CNTN4: variants seen among roughly 807,000 people sequenced by gnomAD.
CNTN4 encodes contactin 4.
In CNTN4, 77 loss-of-function variants were observed where a neutral mutation model predicts 122.5. The observed-to-expected ratio is 0.63, with a 90% CI of 0.52 to 0.76. The LOEUF (loss-of-function observed/expected upper bound fraction) is 0.76, where lower values mean the gene tolerates loss of function less well. Ranked by LOEUF, CNTN4 falls within the 30% of genes least tolerant of loss-of-function variation. The pLI, the probability that CNTN4 is intolerant of heterozygous loss-of-function variation, is 0.00. For synonymous variants in CNTN4, 512 were observed against 447.0 expected (o/e 1.15, Z -1.83); for missense variants, 1,256 against 1,259.1 (o/e 1.00, Z 0.04).
intron 4 of CNTN4, among the ~76,000 whole-genome samples, chr3:2,729,627 T>C (rs1303282687): frequency 4.0e-5 from 6 of 148,352 alleles, no homozygotes; most frequent in African/African-American, 1.5e-4. Flanking sequence ...AACTTTAGAA[T>C]GCATAGGCCA....
At chr3:2,909,815 A>G (rs1319833059) in intron 12 of CNTN4, among the ~76,000 whole-genome samples, 1 of 152,224 alleles carries the variant, frequency 6.6e-6, no homozygotes, top group African/African-American at 2.4e-5. Context: ...TAGTAGCTCT[A>G]GAGTGGGGCC....
chr3:2,224,256 C>T (rs2149506229), intron 2 of CNTN4, among the ~76,000 whole-genome samples: 1 of 152,212 alleles, frequency 6.6e-6, no homozygotes, highest in South Asian at 2.1e-4. Flanking sequence ...GGTGGTGTGT[C>T]CTGAGCCTCA....
At chr3:2,211,372 A>T (rs1280895502) in intron 2 of CNTN4, among the ~76,000 whole-genome samples, 1 of 152,134 alleles carries the variant, frequency 6.6e-6, no homozygotes, top group Non-Finnish European at 1.5e-5. Context: ...ACAGAAATCT[A>T]AACTATATGG....
At chr3:2,456,386 C>T (rs1392906935) in intron 3 of CNTN4, among the ~76,000 whole-genome samples, 1 of 152,070 alleles carries the variant, frequency 6.6e-6, no homozygotes, top group Admixed American at 6.6e-5. Flanking sequence ...TAGAACTAGC[C>T]ATTTTAAAAT....
intron 3 of CNTN4, among the ~76,000 whole-genome samples, chr3:2,498,095 G>GAATTGA (rs2076500757): frequency 6.6e-6 from 1 of 152,022 alleles, no homozygotes; most frequent in Non-Finnish European, 1.5e-5. Context: ...CCAATTCATT[G>GAATTGA]AATATTACTA....
intron 2 of CNTN4, among the ~76,000 whole-genome samples, chr3:2,227,098 T>C (rs2039313184): frequency 6.6e-6 from 1 of 152,186 alleles, no homozygotes; most frequent in Non-Finnish European, 1.5e-5. Context: ...GCGTATTTAT[T>C]TATTTGCAGA....
intron 6 of CNTN4, among the ~76,000 whole-genome samples, chr3:2,787,064 A>C (rs997426241): frequency 6.6e-6 from 1 of 152,298 alleles, no homozygotes; most frequent in South Asian, 2.1e-4. Context: ...TAAGAGGAAT[A>C]ACAAAAACTT....
chr3:2,340,710 T>TATATATATATATATATATATAGAG, intron 3 of CNTN4, among the ~76,000 whole-genome samples: 4 of 18,304 alleles, frequency 2.2e-4, no homozygotes, highest in East Asian at 5.0e-3. Flanking sequence ...TATATATATA[T>TATATATATATATATATATATAGAG]AGAGAGAGAG....
At chr3:2,868,664 A>G (rs2150851775) in intron 8 of CNTN4, among the ~76,000 whole-genome samples, 1 of 152,174 alleles carries the variant, frequency 6.6e-6, no homozygotes, top group East Asian at 1.9e-4. Context: ...CATCCATTTA[A>G]CATACATTTA....
chr3:2,843,195 G>A (rs539963871), intron 7 of CNTN4, among the ~76,000 whole-genome samples: 1 of 152,280 alleles, frequency 6.6e-6, no homozygotes, highest in South Asian at 2.1e-4. Context: ...TCACAGGAAA[G>A]GGCACTTCCA....
intron 2 of CNTN4, among the ~76,000 whole-genome samples, chr3:2,277,287 G>T (rs1231165803): frequency 1.3e-5 from 2 of 151,968 alleles, no homozygotes; most frequent in Non-Finnish European, 2.9e-5. Flanking sequence ...CCTGGAAGAC[G>T]GTCAGCCATA....
chr3:3,049,916 C>T (rs1430205268), intron 23 of CNTN4, among the ~76,000 whole-genome samples: 2 of 152,188 alleles, frequency 1.3e-5, no homozygotes, highest in Non-Finnish European at 2.9e-5. Flanking sequence ...AGATCACTGG[C>T]TTAGTCTATT....
At chr3:2,846,828 C>T (rs2150583904) in intron 7 of CNTN4, among the ~76,000 whole-genome samples, 1 of 152,224 alleles carries the variant, frequency 6.6e-6, no homozygotes, top group Non-Finnish European at 1.5e-5. Context: ...GAAACCCCAT[C>T]TCTACTAAAA....
intron 18 of CNTN4, chr3:3,037,637 A>C: frequency 1.0e-5 from 4 of 394,806 alleles, no homozygotes; most frequent in South Asian, 9.5e-5. Flanking sequence ...GAATTTCAAA[A>C]AAAAATCCCA....
At chr3:2,795,542 A>T (rs1181666324) in intron 6 of CNTN4, among the ~76,000 whole-genome samples, 3 of 136,536 alleles carry the variant, frequency 2.2e-5, no homozygotes, top group Admixed American at 1.5e-4. Flanking sequence ...TTTTTCTGAG[A>T]TGGAGTCTCG....
In CNTN4 at chr3:2,188,024, A is replaced by C. The variant is rs1184146717; in HGVS notation, c.-145+87385A>C. Among the ~76,000 whole-genome samples, 7 of 152,070 alleles carry C rather than the reference A, an allele frequency of 4.6e-5. No homozygotes were observed. In the South Asian group the frequency reaches 6.2e-4, roughly 13 times the overall value. On this transcript the variant is annotated intron_variant, in intron 2 of 24. Coordinates refer to ENST00000418658, the MANE Select transcript of CNTN4 (RefSeq NM_175607.3). Reference sequence around the variant, plus strand: ...CAAGAATGAAAAGGGAGAAAAAAAAAGTGGGTTTGCTATACTTGTCAAGTG... The same window carrying C: ...CAAGAATGAAAAGGGAGAAAAAAAACGTGGGTTTGCTATACTTGTCAAGTG...
intron 4 of CNTN4, among the ~76,000 whole-genome samples, chr3:2,722,280 T>A (rs1159674354): frequency 1.3e-5 from 2 of 152,210 alleles, no homozygotes; most frequent in Non-Finnish European, 2.9e-5. Context: ...CCTTGGACAG[T>A]GTGTTTACTT....
chr3:2,956,212 C>T (rs1284105955), intron 13 of CNTN4, among the ~76,000 whole-genome samples: 2 of 151,972 alleles, frequency 1.3e-5, no homozygotes, highest in Non-Finnish European at 2.9e-5. Flanking sequence ...CATAATTGCA[C>T]TTATATGAAG....
intron 4 of CNTN4, among the ~76,000 whole-genome samples, chr3:2,716,662 G>T (rs2087515652): frequency 6.6e-6 from 1 of 152,096 alleles, no homozygotes; most frequent in Admixed American, 6.6e-5. Flanking sequence ...GTTTTAAAAT[G>T]TATAAATCAG....
Sources: gnomAD v4.1 joint callset for allele counts (sites outside exome capture counted in the v4.1 genomes callset) on GRCh38, gnomAD v4.1.1 for gene constraint, MANE v1.5 for transcripts, NCBI Gene and HGNC (gene_info 2026-07-23, HGNC 2026-07-21) for gene names.